TECR: variants seen among roughly 807,000 people sequenced by gnomAD.
The protein encoded by TECR is trans-2,3-enoyl-CoA reductase, also known as very-long-chain enoyl-CoA reductase.
A neutral mutation model predicts 50.6 loss-of-function variants in TECR; 19 were observed. The observed-to-expected ratio is 0.38, with a 90% confidence interval of 0.26 to 0.55. The LOEUF (loss-of-function observed/expected upper bound fraction) is 0.55. Among genes scored for constraint, TECR ranks in the 20% least tolerant of loss-of-function variants. The pLI, the probability that TECR is intolerant of heterozygous loss-of-function variation, is 0.79. For missense variants in TECR, 313 were observed against 408.3 expected, an observed-to-expected ratio of 0.77 and a Z score of 2.01; for synonymous variants, 168 against 163.5, an observed-to-expected ratio of 1.03 and a Z score of -0.21.
In TECR at chr19:14,563,677, C is replaced by T. The variant is rs770056433; in HGVS notation, c.138C>T (p.Ala46=). Reference sequence around the variant, plus strand: ...CCGCAGATCCGCAGTGGTACCCCGCCCGCCAGTCCCTCCGCCTGGACCCCA... The same window carrying T: ...CCGCAGATCCGCAGTGGTACCCCGCTCGCCAGTCCCTCCGCCTGGACCCCA... ...FTKTHPQWYP[A]RQSLRLDPKG... is the part of the protein sequence containing the mutation. Residue 46 remains alanine, a synonymous_variant, in exon 4 of 13, where the codon GCC becomes GCT. Transcript: ENST00000215567. The surrounding 1 kb of genome is among the most constrained non-coding windows in gnomAD (Gnocchi z 5.3). The T allele has an allele frequency of 9.2e-5, 149 of 1,612,588 alleles. No individual in the cohort carries two copies. Among genetic ancestry groups the T allele is most frequent in the African/African-American group, 1.1e-4 (8 of 74,990 alleles).
At position 14,564,094 on chromosome 19, in the gene TECR, TGCAGTAAGTGGG is replaced by T; in HGVS notation, c.383+2_383+13del. ...TTTACGTCCAGTCGGCATACAGTGG[TGCAGTAAGTGGG>T]GCAGGTGGGAGGAGGGTAGGGGAAG... On this transcript the variant is annotated splice_donor_variant and splice_donor_5th_base_variant and coding_sequence_variant and intron_variant, in exon 6 of 13. Transcript: ENST00000215567. LOFTEE classifies it high-confidence loss of function. The T allele has an allele frequency of 6.2e-7, 1 of 1,611,828 alleles. No homozygotes were observed. The highest frequency in any genetic ancestry group is 8.5e-7 in the Non-Finnish European group (1 of 1,179,892).
Position 14,563,268 on chromosome 19 carries a change from G to A in TECR, c.118+11G>A, listed in dbSNP as rs902579454. 7 of 1,609,734 alleles carry A rather than the reference G, an allele frequency of 4.3e-6. No individual in the cohort carries two copies. In the Admixed American group the frequency reaches 1.2e-4, roughly 27 times the overall value. On this transcript the variant is annotated intron_variant, in intron 3 of 12. Transcript: ENST00000215567. This position sits in a 1 kb window ranked among gnomAD's most constrained non-coding sequence, Gnocchi z 5.3. ...TCTTCACTAAGACCCGTGAGTTCTA[G>A]TCCCGGCCACACTGCCCCTGCAACC...
intron 1 of TECR, among the ~76,000 whole-genome samples, chr19:14,542,368 T>TTTTTTTTTG (rs1281078662): frequency 7.6e-6 from 1 of 131,078 alleles, no homozygotes; most frequent in Non-Finnish European, 1.6e-5. Context: ...TTTTTTTTTT[T>TTTTTTTTTG]TTTTTTTTCT....
rs1166003283 is a variant in TECR at position 14,535,570 on chromosome 19, ATATATATATATATATATATG to A, written c.15+5863_15+5882del. Among the ~76,000 whole-genome samples, 182 of 20,474 alleles carry A rather than the reference ATATATATATATATATATATG, an allele frequency of 8.9e-3. 7 individuals carry two copies. The highest frequency in any genetic ancestry group is 0.02 in the African/African-American group (167 of 8,288). The allele number at this position is 20,474 out of a possible 152,430, so 13.4% of individuals were successfully genotyped here. On this transcript the variant is annotated intron_variant, in intron 1 of 12. Transcript: ENST00000215567. ...TATATATATATATATATATATATAT[ATATATATATATATATATATG>A]TATGTATATATAAATTAGCCAGGCA...
Position 14,529,621 on chromosome 19 carries a change from G to A in TECR, c.-76G>A, listed in dbSNP as rs199703577. 2 of 1,609,258 alleles carry A rather than the reference G, an allele frequency of 1.2e-6. No individual in the cohort carries two copies. The highest frequency in any genetic ancestry group is 1.1e-5 in the South Asian group (1 of 90,984). On this transcript the variant is annotated 5_prime_UTR_variant, in exon 1 of 13. Transcript: ENST00000215567. ...TTAGTCTATCGCTGCGGTTGCGAGC[G>A]CTGTAGGGAGCCTGTGCTGTGCCGC...
At chr19:14,549,306 G>C (rs2073411705) in intron 1 of TECR, among the ~76,000 whole-genome samples, 2 of 145,578 alleles carry the variant, frequency 1.4e-5, no homozygotes, top group African/African-American at 2.6e-5. Context: ...TCTGCCTCCC[G>C]GGTTCAAGCA....
At chr19:14,533,436 A>G (rs2072748911) in intron 1 of TECR, among the ~76,000 whole-genome samples, 1 of 152,074 alleles carries the variant, frequency 6.6e-6, no homozygotes, top group African/African-American at 2.4e-5. Flanking sequence ...AAAAAAGAAA[A>G]AAATCTATTT....
intron 1 of TECR, among the ~76,000 whole-genome samples, chr19:14,559,718 C>T (rs940790611): frequency 6.6e-6 from 1 of 151,312 alleles, no homozygotes; most frequent in Non-Finnish European, 1.5e-5. Context: ...ACCTGGGGGG[C>T]GGAGGTTGCA....
intron 7 of TECR, 128 bp downstream of exon 7, chr19:14,564,415 C>A: frequency 1.3e-6 from 1 of 781,662 alleles, no homozygotes; most frequent in Non-Finnish European, 2.1e-6. Flanking sequence ...TACCCCTAGG[C>A]CCCGCCTAAC....
Position 14,550,870 on chromosome 19 carries a change from C to A in TECR, c.16-11655C>A, listed in dbSNP as rs1250950436. Reference sequence around the variant, plus strand: ...TAATTTTTGTAGAGACAGGGTTTCACCATGTTAGCCAGGCTGGTGTCGAAC... The same window carrying A: ...TAATTTTTGTAGAGACAGGGTTTCAACATGTTAGCCAGGCTGGTGTCGAAC... On this transcript the variant is annotated intron_variant, in intron 1 of 12. Coordinates refer to ENST00000215567, the MANE Select transcript of TECR (RefSeq NM_138501.6). 2.6e-5 allele frequency among the ~76,000 whole-genome samples: 4 copies of A among 152,028 alleles called. No individual in the cohort carries two copies. The South Asian group carries it at 8.4e-4, about 32-fold the overall frequency.
At chr19:14,543,607 T>C (rs951305093) in intron 1 of TECR, among the ~76,000 whole-genome samples, 9 of 147,090 alleles carry the variant, frequency 6.1e-5, no homozygotes, top group Non-Finnish European at 7.5e-5. Context: ...CCCGGCTAAT[T>C]TTTTGTATTT....
rs1165336013 is a variant in TECR at position 14,565,071 on chromosome 19, C to G, written c.612C>G (p.Cys204Trp). The G allele has an allele frequency of 6.2e-7, 1 of 1,613,786 alleles. No individual in the cohort carries two copies. Among genetic ancestry groups the G allele is most frequent in the Non-Finnish European group, 8.5e-7 (1 of 1,180,038 alleles). ...TGATCCTGCTTCTCTGACAGATCTG[C>G]CAGCTCGGCAACTTCTCCATCCACA... is the stretch of plus-strand genomic sequence containing the variant. ...VKLALAIFVI[C>W]QLGNFSIHMA... is the part of the protein sequence containing the mutation. The change falls in exon 10 of 13, where the codon TGC becomes TGG. Residue 204 changes from cysteine (C) to tryptophan (W), a missense_variant. Cys to Trp is a radical substitution (Grantham distance 215). Coordinates refer to ENST00000215567, the MANE Select transcript of TECR (RefSeq NM_138501.6).
At chr19:14,552,635 C>T (rs971773423) in intron 1 of TECR, among the ~76,000 whole-genome samples, 2 of 151,678 alleles carry the variant, frequency 1.3e-5, no homozygotes, top group African/African-American at 4.8e-5. Flanking sequence ...CCCGGGTTCA[C>T]GCCATTCTCC....
intron 11 of TECR, 148 bp downstream of exon 11, chr19:14,565,438 T>G (rs2074049367): frequency 1.5e-6 from 2 of 1,347,526 alleles, no homozygotes; most frequent in South Asian, 1.2e-5. Context: ...CTCTCTGCTG[T>G]GGTGGCGGGG....
intron 1 of TECR, among the ~76,000 whole-genome samples, chr19:14,539,514 A>T (rs959707504): frequency 3.8e-4 from 57 of 151,902 alleles, no homozygotes; most frequent in African/African-American, 1.3e-3. Flanking sequence ...ACTGTTCCCC[A>T]CCGAGCCACA....
intron 7 of TECR, 179 bp from the exon 8 acceptor site, chr19:14,564,607 G>A: frequency 1.2e-5 from 2 of 172,274 alleles, no homozygotes; most frequent in Non-Finnish European, 2.3e-5. Flanking sequence ...TGTCCACCAC[G>A]CCCTCACAGA....
intron 1 of TECR, among the ~76,000 whole-genome samples, chr19:14,547,310 T>C (rs1264027046): frequency 6.6e-6 from 1 of 152,172 alleles, no homozygotes; most frequent in East Asian, 1.9e-4. Flanking sequence ...TGGGTAAAAA[T>C]ATTAGTTACA....
intron 1 of TECR, among the ~76,000 whole-genome samples, chr19:14,558,483 G>T (rs780374448): frequency 6.6e-6 from 1 of 152,132 alleles, no homozygotes; most frequent in Non-Finnish European, 1.5e-5. Context: ...GTGCTGCGAC[G>T]AGTTGCTGTT....
intron 1 of TECR, among the ~76,000 whole-genome samples, chr19:14,556,038 C>G (rs1272568870): frequency 6.6e-6 from 1 of 152,204 alleles, no homozygotes; most frequent in African/African-American, 2.4e-5. Context: ...CAAGAACCCT[C>G]TATGGCTGCC....
Sources: allele counts gnomAD v4.1 joint callset (sites outside exome capture counted in the v4.1 genomes callset), GRCh38; gene constraint gnomAD v4.1.1; non-coding constraint Gnocchi (gnomAD v3.1); transcripts MANE v1.5; gene names NCBI Gene and HGNC (gene_info 2026-07-23, HGNC 2026-07-21).